The following RAB40B variants were observed in gnomAD, a reference collection of about 807,000 sequenced individuals.
RAB40B encodes RAB40B, member RAS oncogene family, also known as ras-related protein Rab-40B.
Under a neutral mutation model 24.0 loss-of-function variants are expected in RAB40B, and 21 were observed. The ratio of observed to expected loss-of-function variants is 0.88; its 90% confidence interval spans 0.62 to 1.26. The LOEUF is 1.26. Ranked by LOEUF, RAB40B falls within the 50% of genes most tolerant of loss-of-function variation. The probability of loss-of-function intolerance (pLI) is 0.00; values close to 1 mark genes in which losing one functional copy is unlikely to be tolerated. For missense variants in RAB40B, 348 were observed against 390.5 expected, an observed-to-expected ratio of 0.89 and a Z score of 0.92; for synonymous variants, 167 against 169.8, an observed-to-expected ratio of 0.98 and a Z score of 0.13.
In RAB40B at chr17:82,656,768, C is replaced by A. The variant is rs1336090937; in HGVS notation, c.*1095G>T. 1.3e-5 allele frequency: 2 copies of A among 152,342 alleles called. No homozygotes were observed. The highest frequency in any genetic ancestry group is 1.5e-5 in the Non-Finnish European group (1 of 68,130). The allele number at this position is 152,342 out of a possible 1,614,324, so 9.4% of individuals were successfully genotyped here. On this transcript the variant is annotated 3_prime_UTR_variant, in exon 6 of 6. Transcript: ENST00000571995. ...GTGGCTCACGCCTGTAATCCCAGCA[C>A]TTTGGGAGGCCAAGGTGGGTGGATC...
chr17:82,679,370 C>T (rs982421108), intron 1 of RAB40B, among the ~76,000 whole-genome samples: 2 of 151,740 alleles, frequency 1.3e-5, no homozygotes, highest in African/African-American at 4.8e-5. Context: ...CAAGCTCCGC[C>T]TCCTGGGTTC....
chr17:82,693,989 AG>A (rs1460290524), intron 1 of RAB40B, among the ~76,000 whole-genome samples: 1 of 151,240 alleles, frequency 6.6e-6, no homozygotes, highest in Non-Finnish European at 1.5e-5. Context: ...AGGCTGAGAC[AG>A]GAAAATCGCT....
At chr17:82,659,363 G>A (rs1270620767) in intron 4 of RAB40B, 1 of 567,018 alleles carries the variant, frequency 1.8e-6, no homozygotes, top group Non-Finnish European at 3.1e-6. Flanking sequence ...GTTTCGTCTG[G>A]ACCAGCTTCC....
At chr17:82,661,172 C>G in intron 2 of RAB40B, 125 bp from the exon 3 acceptor site, 1 of 1,477,262 alleles carries the variant, frequency 6.8e-7, no homozygotes, top group Non-Finnish European at 9.0e-7. Context: ...ACGCCGCCAG[C>G]GTGAGACCCC....
chr17:82,658,820 A>G (rs2143442284), intron 4 of RAB40B, 107 bp from the exon 5 acceptor site: 2 of 985,756 alleles, frequency 2.0e-6, no homozygotes, highest in East Asian at 5.2e-5. Context: ...GTTCATGTCC[A>G]CCCAGAACCT....
intron 1 of RAB40B, among the ~76,000 whole-genome samples, chr17:82,683,805 CAAAAAA>C (rs35145848): frequency 1.2e-4 from 11 of 90,790 alleles, no homozygotes; most frequent in Middle Eastern, 5.4e-3. Flanking sequence ...ACCCTGTTTC[CAAAAAA>C]AAAAAAAAAA....
rs1292001810 is a variant in RAB40B at position 82,688,471 on chromosome 17, C to T, written c.142+9984G>A. 4.0e-5 allele frequency among the ~76,000 whole-genome samples: 6 copies of T among 151,496 alleles called. No individual in the cohort carries two copies. In the East Asian group the frequency reaches 1.2e-3, roughly 30 times the overall value. On this transcript the variant is annotated intron_variant, in intron 1 of 5. Coordinates refer to ENST00000571995, the MANE Select transcript of RAB40B (RefSeq NM_006822.3). Reference sequence around the variant, plus strand: ...CTATTAAAAATACCAAAAAATTAGCCAGGCGTGGAGGCAGGCGCCTGTAAT... The same window carrying T: ...CTATTAAAAATACCAAAAAATTAGCTAGGCGTGGAGGCAGGCGCCTGTAAT...
At chr17:82,665,892 A>AC (rs113448856) in intron 1 of RAB40B, among the ~76,000 whole-genome samples, 39,788 of 145,040 alleles carry the variant, frequency 0.27, 5,614 homozygotes, top group East Asian at 0.35. Flanking sequence ...AACAACAACA[A>AC]AAAAAAAAAA....
chr17:82,661,541 C>T (rs561576126), intron 2 of RAB40B, among the ~76,000 whole-genome samples: 186 of 152,182 alleles, frequency 1.2e-3, no homozygotes, highest in African/African-American at 4.1e-3. Context: ...TCTCAGATGA[C>T]GGCACACGCA....
chr17:82,677,802 A>G (rs1408397045), intron 1 of RAB40B, among the ~76,000 whole-genome samples: 1 of 152,232 alleles, frequency 6.6e-6, no homozygotes, highest in Non-Finnish European at 1.5e-5. Flanking sequence ...TGAGGGCGTC[A>G]GTGATGCTGC....
At chr17:82,658,397 G>T in intron 5 of RAB40B, 94 bp downstream of exon 5, 1 of 1,395,632 alleles carries the variant, frequency 7.2e-7, no homozygotes, top group Non-Finnish European at 1.0e-6. Context: ...GCCTTGAGAC[G>T]GGTCCCGGGA....
rs1216041504 is a variant in RAB40B, at chr17:82,658,644, T to C, written c.412A>G (p.Thr138Ala). Residue 138 changes from threonine (T) to alanine (A), a missense_variant, in exon 5 of 6, where the codon ACG (threonine) becomes GCG (alanine). Coordinates refer to ENST00000571995, the MANE Select transcript of RAB40B (RefSeq NM_006822.3). The stretch of plus-strand genomic sequence containing the variant: ...TCGGCGTAGGCCTGGGCCTGCTCCG[T>C]GGGCACCTGCCGCTTGAACGCCAGG... ...LHLAFKRQVP[T>A]EQAQAYAERL... The C allele has an allele frequency of 6.2e-7, 1 of 1,613,044 alleles. No individual in the cohort carries two copies. The highest frequency in any genetic ancestry group is 8.5e-7 in the Non-Finnish European group (1 of 1,179,954).
chr17:82,676,155 G>A (rs1254722866), intron 1 of RAB40B, among the ~76,000 whole-genome samples: 1 of 152,154 alleles, frequency 6.6e-6, no homozygotes, highest in Non-Finnish European at 1.5e-5. Flanking sequence ...TCCTCAAAAT[G>A]TGTGCACCTG....
intron 3 of RAB40B, among the ~76,000 whole-genome samples, chr17:82,660,505 AG>A (rs1205918733): frequency 6.6e-6 from 1 of 151,294 alleles, no homozygotes; most frequent in Non-Finnish European, 1.5e-5. Flanking sequence ...ACGCACATGC[AG>A]GCACTCATGC....
At chr17:82,660,075 TAC>T (rs145916099) in intron 3 of RAB40B, among the ~76,000 whole-genome samples, 108 of 149,388 alleles carry the variant, frequency 7.2e-4, no homozygotes, top group African/African-American at 2.1e-3. Flanking sequence ...ACATGTTGCA[TAC>T]ACACACGCAG....
At chr17:82,660,408 A>G (rs1011553806) in intron 3 of RAB40B, among the ~76,000 whole-genome samples, 3 of 148,224 alleles carry the variant, frequency 2.0e-5, no homozygotes, top group African/African-American at 7.6e-5. Context: ...CAGGGCATGT[A>G]CCTTCACACA....
rs571870362 is a variant in RAB40B, at chr17:82,667,928, G to A, written c.143-3372C>T. ...TGCACCGTCTGTCTCTCTCTTCTTG[G>A]CATGGGCGCTGACGGGGCACTGATG... On this transcript the variant is annotated intron_variant, in intron 1 of 5. Transcript: ENST00000571995. The surrounding 1 kb of genome is among the most constrained non-coding windows in gnomAD (Gnocchi z 4.3). 6.6e-6 allele frequency among the ~76,000 whole-genome samples: 1 copy of A among 152,246 alleles called. No homozygotes were observed. Among genetic ancestry groups the A allele is most frequent in the South Asian group, 2.1e-4 (1 of 4,828 alleles).
chr17:82,698,431 G>A, intron 1 of RAB40B, 24 bp downstream of exon 1: 2 of 1,072,302 alleles, frequency 1.9e-6, no homozygotes, highest in Non-Finnish European at 1.2e-6. Context: ...CCCGCACCCC[G>A]GCACGCCCTC....
intron 1 of RAB40B, among the ~76,000 whole-genome samples, chr17:82,674,176 A>G (rs897843213): frequency 6.6e-6 from 1 of 151,636 alleles, no homozygotes; most frequent in Non-Finnish European, 1.5e-5. Context: ...GCCCAACTCT[A>G]CTAAAAATAC....
Sources: allele counts gnomAD v4.1 joint callset (sites outside exome capture counted in the v4.1 genomes callset), GRCh38; gene constraint gnomAD v4.1.1; non-coding constraint Gnocchi (gnomAD v3.1); transcripts MANE v1.5; gene names NCBI Gene and HGNC (gene_info 2026-07-23, HGNC 2026-07-21).